Variants in ZNF783 observed in about 807,000 individuals in gnomAD.
The protein encoded by ZNF783 is protein ZNF783.
In ZNF783, 25 loss-of-function variants were observed where a neutral mutation model predicts 31.3. That is an observed-to-expected ratio of 0.80 (90% CI 0.58 to 1.11). The LOEUF (loss-of-function observed/expected upper bound fraction) is 1.11, where lower values mean the gene tolerates loss of function less well. ZNF783 is among the 50% of genes most tolerant of loss of function. The pLI is 0.00. For synonymous variants in ZNF783, 369 were observed against 319.1 expected, an observed-to-expected ratio of 1.16 and a Z score of -1.66; for missense variants, 797 against 760.0, an observed-to-expected ratio of 1.05 and a Z score of -0.57.
intron 1 of ZNF783, among the ~76,000 whole-genome samples, chr7:149,265,430 C>T (rs1487504314): frequency 6.6e-6 from 1 of 152,220 alleles, no homozygotes; most frequent in Non-Finnish European, 1.5e-5. Flanking sequence ...GTCATTGTCT[C>T]AGTCTGCTCA....
intron 5 of ZNF783, among the ~76,000 whole-genome samples, chr7:149,280,865 C>G (rs1350670107): frequency 6.6e-6 from 1 of 152,218 alleles, no homozygotes; most frequent in Non-Finnish European, 1.5e-5. Context: ...CACTGCTGTC[C>G]CAGCAGCTCC....
intron 1 of ZNF783, 71 bp downstream of exon 1, chr7:149,262,428 C>G: frequency 6.0e-6 from 7 of 1,171,554 alleles, no homozygotes; most frequent in Non-Finnish European, 7.4e-6. Flanking sequence ...GCGAGGGACT[C>G]TGGCCGCGCG....
intron 4 of ZNF783, among the ~76,000 whole-genome samples, chr7:149,267,877 C>G (rs1480767861): frequency 1.3e-5 from 2 of 152,170 alleles, no homozygotes; most frequent in South Asian, 2.1e-4. Flanking sequence ...TGTCCATGTC[C>G]CCGCTATTGC....
chr7:149,280,958 A>T (rs1446869797), intron 5 of ZNF783, among the ~76,000 whole-genome samples: 1 of 152,202 alleles, frequency 6.6e-6, no homozygotes, highest in African/African-American at 2.4e-5. Flanking sequence ...CCTCTCTGTC[A>T]CCAGTGAGTG....
chr7:149,265,015 G>C (rs963794715), intron 1 of ZNF783, among the ~76,000 whole-genome samples: 4 of 151,948 alleles, frequency 2.6e-5, no homozygotes, highest in African/African-American at 9.7e-5. Flanking sequence ...GAGAAGGCTG[G>C]AAGTGGGGAA....
chr7:149,271,977 C>T (rs1005956804), intron 4 of ZNF783, among the ~76,000 whole-genome samples: 4 of 152,190 alleles, frequency 2.6e-5, no homozygotes, highest in African/African-American at 7.2e-5. Context: ...GTACGTTGTG[C>T]ATAAATCAGT....
chr7:149,264,423 C>G (rs1392752793), intron 1 of ZNF783, among the ~76,000 whole-genome samples: 1 of 152,144 alleles, frequency 6.6e-6, no homozygotes, highest in Non-Finnish European at 1.5e-5. Flanking sequence ...CCACAGGAGG[C>G]TGGCATGGCT....
At chr7:149,263,127 C>G (rs1455489942) in intron 1 of ZNF783, among the ~76,000 whole-genome samples, 4 of 151,586 alleles carry the variant, frequency 2.6e-5, no homozygotes, top group Non-Finnish European at 5.9e-5. Context: ...CTGGGTTTCA[C>G]TATGTTGGCC....
At position 149,282,449 on chromosome 7, in the gene ZNF783, C is replaced by T. The variant is rs1797501571; in HGVS notation, c.*106C>T. On this transcript the variant is annotated 3_prime_UTR_variant, in exon 6 of 6. Coordinates refer to ENST00000434415, the MANE Select transcript of ZNF783 (RefSeq NM_001195220.2). ...GAGAGGTTTGTTGTTTTTACCCATT[C>T]AAATGGGAAGCTAGCTGCCCTTCTG... The T allele has an allele frequency of 2.9e-6, 3 of 1,033,310 alleles. No homozygotes were observed. Among genetic ancestry groups the T allele is most frequent in the Non-Finnish European group, 1.4e-6 (1 of 740,256 alleles). 64.0% of individuals were successfully genotyped at this position (1,033,310 alleles called of 1,614,324 possible). A position where few individuals can be genotyped will look rare whatever the true frequency, so the allele number is the denominator to read the frequency against.
intron 4 of ZNF783, among the ~76,000 whole-genome samples, chr7:149,269,411 C>T (rs1245399598): frequency 6.6e-6 from 1 of 152,210 alleles, no homozygotes; most frequent in African/African-American, 2.4e-5. Flanking sequence ...TCTGCAGAAG[C>T]TCTTTAGTTT....
At chr7:149,263,617 A>G (rs995191862) in intron 1 of ZNF783, among the ~76,000 whole-genome samples, 2 of 151,944 alleles carry the variant, frequency 1.3e-5, no homozygotes, top group Non-Finnish European at 2.9e-5. Flanking sequence ...TTTTTTTGGC[A>G]TCTTCATCTA....
In ZNF783 at chr7:149,262,270, G is replaced by C; in HGVS notation, c.-64G>C. ...CCGCTCCGCTTCCGCCGTCGCTGCC[G>C]CGCCGCCCCGGGCCCGACAGGCCGG... is the stretch of plus-strand genomic sequence containing the variant. On this transcript the variant is annotated 5_prime_UTR_variant, in exon 1 of 6. Coordinates refer to ENST00000434415, the MANE Select transcript of ZNF783 (RefSeq NM_001195220.2). The C allele has an allele frequency of 7.6e-7, 1 of 1,311,488 alleles. No homozygotes were observed. The highest frequency in any genetic ancestry group is 3.7e-5 in the Admixed American group (1 of 27,126). The allele number at this position is 1,311,488 out of a possible 1,614,324, so 81.2% of individuals were successfully genotyped here.
At chr7:149,274,451 C>T (rs889425212) in intron 4 of ZNF783, among the ~76,000 whole-genome samples, 8 of 152,114 alleles carry the variant, frequency 5.3e-5, no homozygotes, top group Admixed American at 2.6e-4. Context: ...CTGCAACCTC[C>T]GCCTTGCAGG....
chr7:149,263,304 G>GTATATATA (rs59725451), intron 1 of ZNF783, among the ~76,000 whole-genome samples: 5 of 64,292 alleles, frequency 7.8e-5, no homozygotes, highest in Admixed American at 2.1e-4. Flanking sequence ...GTGTGTGTGT[G>GTATATATA]TATATATATA....
rs1359724440 is a variant in ZNF783, at chr7:149,282,292, C to T, written c.1590C>T (p.Ala530=). The T allele has an allele frequency of 6.4e-7, 1 of 1,570,554 alleles. No individual in the cohort carries two copies. The highest frequency in any genetic ancestry group is 8.6e-7 in the Non-Finnish European group (1 of 1,166,960). ...QVGPHFPAAP[A]RHGSLPLPWP... is the part of the protein sequence containing the mutation. ...GCCCACACTTCCCTGCCGCCCCCGC[C>T]CGCCACGGGAGCCTGCCCCTGCCCT... The change falls in exon 6 of 6, where the codon GCC becomes GCT. Residue 530 remains alanine, a synonymous_variant. Coordinates refer to ENST00000434415, the MANE Select transcript of ZNF783 (RefSeq NM_001195220.2).
At chr7:149,266,083 C>T (rs1392759744) in intron 1 of ZNF783, among the ~76,000 whole-genome samples, 1 of 152,194 alleles carries the variant, frequency 6.6e-6, no homozygotes, top group Non-Finnish European at 1.5e-5. Flanking sequence ...GCCTGTAGGA[C>T]AGGAGCCGGG....
chr7:149,273,161 C>T lies in ZNF783; in HGVS notation c.674-5238C>T, dbSNP rs569695260. The stretch of plus-strand genomic sequence containing the variant: ...CTGTCCATTTGTCTGTTGATGGACA[C>T]TTAGGTTGATTTCAAATCTTGACTA... On this transcript the variant is annotated intron_variant, in intron 4 of 5. Coordinates refer to ENST00000434415, the MANE Select transcript of ZNF783 (RefSeq NM_001195220.2). Among the ~76,000 whole-genome samples, 12 of 152,288 alleles carry T rather than the reference C, an allele frequency of 7.9e-5. No individual in the cohort carries two copies. The East Asian group carries it at 2.3e-3, about 29-fold the overall frequency.
intron 1 of ZNF783, among the ~76,000 whole-genome samples, chr7:149,265,525 A>G (rs1585606927): frequency 6.6e-6 from 1 of 152,126 alleles, no homozygotes; most frequent in East Asian, 1.9e-4. Flanking sequence ...ATACAGCAAG[A>G]TCATCTCCCT....
At chr7:149,270,148 T>C (rs567164126) in intron 4 of ZNF783, among the ~76,000 whole-genome samples, 22 of 152,356 alleles carry the variant, frequency 1.4e-4, no homozygotes, top group Middle Eastern at 3.4e-3. Flanking sequence ...CATGTGTCTT[T>C]ATAGCAGCAT....
Sources: gnomAD v4.1 joint callset for allele counts (sites outside exome capture counted in the v4.1 genomes callset) on GRCh38, gnomAD v4.1.1 for gene constraint, MANE v1.5 for transcripts, NCBI Gene and HGNC (gene_info 2026-07-23, HGNC 2026-07-21) for gene names.